CEP128: variants seen among roughly 807,000 people sequenced by gnomAD.
CEP128 encodes centrosomal protein 128, also known as centrosomal protein 128kDa.
In CEP128, 132 loss-of-function variants were observed where a neutral mutation model predicts 156.7. That is an observed-to-expected ratio of 0.84 (90% CI 0.73 to 0.97). The LOEUF (loss-of-function observed/expected upper bound fraction) is 0.97. Ranked by LOEUF, CEP128 falls within the 50% of genes least tolerant of loss-of-function variation. The probability of loss-of-function intolerance (pLI) is 0.00; values close to 1 mark genes in which losing one functional copy is unlikely to be tolerated. For synonymous variants in CEP128, 469 were observed against 448.9 expected (o/e 1.04, Z -0.57); for missense variants, 1,252 against 1,281.9 (o/e 0.98, Z 0.36).
At chr14:80,911,870 T>C (rs1181745148) in intron 4 of CEP128, among the ~76,000 whole-genome samples, 1 of 152,206 alleles carries the variant, frequency 6.6e-6, no homozygotes, top group African/African-American at 2.4e-5. Context: ...TCCCTAAACA[T>C]GTATTTACAA....
intron 12 of CEP128, among the ~76,000 whole-genome samples, chr14:80,832,051 A>G (rs1421994663): frequency 6.6e-6 from 1 of 152,182 alleles, no homozygotes; most frequent in Non-Finnish European, 1.5e-5. Context: ...ATGATAGTGA[A>G]TAAGTCCCAT....
intron 4 of CEP128, among the ~76,000 whole-genome samples, chr14:80,906,320 T>C (rs961279319): frequency 6.6e-6 from 1 of 152,226 alleles, no homozygotes; most frequent in Non-Finnish European, 1.5e-5. Context: ...CCATTTTTTA[T>C]TGCCAGATGT....
intron 24 of CEP128, among the ~76,000 whole-genome samples, chr14:80,498,491 G>A (rs184776076): frequency 1.3e-5 from 2 of 152,210 alleles, no homozygotes; most frequent in East Asian, 1.9e-4. Flanking sequence ...TCACTCACTC[G>A]CTCAGTAGCC....
intron 19 of CEP128, among the ~76,000 whole-genome samples, chr14:80,731,396 C>T (rs777694903): frequency 1.3e-5 from 2 of 152,142 alleles, no homozygotes; most frequent in African/African-American, 2.4e-5. Flanking sequence ...TTAAGAGTTA[C>T]ATAAGATAAT....
chr14:80,951,037 T>G lies in CEP128; in HGVS notation c.-172+7141A>C, dbSNP rs1886454566. Among the ~76,000 whole-genome samples, 3 of 152,106 alleles carry G rather than the reference T, an allele frequency of 2.0e-5. No homozygotes were observed. In the South Asian group the frequency reaches 6.2e-4, roughly 31 times the overall value. On this transcript the variant is annotated intron_variant, in intron 2 of 7. Transcript: ENST00000555529. ...AAAGTACTGAAAGTTAAAAATAATG[T>G]CAATCTATGATTCTATACCTAGTGA...
At chr14:80,675,064 C>G (rs973281186) in intron 19 of CEP128, among the ~76,000 whole-genome samples, 1 of 152,010 alleles carries the variant, frequency 6.6e-6, no homozygotes, top group Non-Finnish European at 1.5e-5. Flanking sequence ...GCACAATCAC[C>G]TCGTCCTTTT....
intron 23 of CEP128, among the ~76,000 whole-genome samples, chr14:80,506,016 C>A (rs1235839210): frequency 1.3e-5 from 2 of 152,150 alleles, no homozygotes; most frequent in Non-Finnish European, 2.9e-5. Context: ...CAGGTAATAA[C>A]AGGAAGAACC....
Position 80,761,499 on chromosome 14 carries a change from T to G in CEP128, c.2491A>C (p.Ile831Leu), listed in dbSNP as rs1017188483. 25 of 1,612,282 alleles carry G rather than the reference T, an allele frequency of 1.6e-5. No individual in the cohort carries two copies. In the African/African-American group the frequency reaches 3.3e-4, roughly 22 times the overall value. ...CAAGCTGCATCAATTTCCTTTCCTA[T>G]CACACCAAGAATGGATTCCTGTTCA... ...ETEQESILGV[I>L]GKEIDAACKT... is the part of the protein sequence containing the mutation. Residue 831 changes from isoleucine to leucine, a missense_variant, in exon 17 of 25, where the codon ATA (isoleucine) becomes CTA (leucine). Coordinates refer to ENST00000555265, the MANE Select transcript of CEP128 (RefSeq NM_152446.5).
chr14:80,560,620 G>A (rs541841352), intron 20 of CEP128, among the ~76,000 whole-genome samples: 81 of 152,160 alleles, frequency 5.3e-4, no homozygotes, highest in African/African-American at 2.0e-3. Flanking sequence ...TTTAGTCAGT[G>A]GGCTGAGGAA....
intron 13 of CEP128, among the ~76,000 whole-genome samples, chr14:80,799,799 CT>C (rs911348313): frequency 2.0e-5 from 3 of 152,132 alleles, no homozygotes; most frequent in Non-Finnish European, 4.4e-5. Flanking sequence ...CAGACTGGTT[CT>C]CTGCTCTCGA....
chr14:80,516,567 C>A (rs142719795), intron 23 of CEP128, among the ~76,000 whole-genome samples: 1 of 152,136 alleles, frequency 6.6e-6, no homozygotes, highest in African/African-American at 2.4e-5. Flanking sequence ...TATTGAGAAT[C>A]CCACAGTGCT....
At chr14:80,656,354 A>AAC (rs1479660329) in intron 19 of CEP128, among the ~76,000 whole-genome samples, 8 of 122,420 alleles carry the variant, frequency 6.5e-5, no homozygotes, top group African/African-American at 3.0e-5. Context: ...AATAAAAAAA[A>AAC]AACAACTAAT....
chr14:80,617,219 CTTTTTTTTTTT>C (rs3069115), intron 19 of CEP128, among the ~76,000 whole-genome samples: 28 of 60,224 alleles, frequency 4.6e-4, no homozygotes, highest in South Asian at 1.6e-3. Context: ...TGAATATCAT[CTTTTTTTTTTT>C]TTTTTTTTTT....
At chr14:80,888,821 G>A (rs1888936307) in intron 8 of CEP128, among the ~76,000 whole-genome samples, 1 of 152,138 alleles carries the variant, frequency 6.6e-6, no homozygotes, top group African/African-American at 2.4e-5. Context: ...ATTCAAATAG[G>A]AAGAGAGGAA....
At chr14:80,480,420 G>A (rs1466883602) in intron 14 of CEP128, among the ~76,000 whole-genome samples, 4 of 152,114 alleles carry the variant, frequency 2.6e-5, no homozygotes, top group African/African-American at 9.7e-5. Context: ...ACCCTCTGAA[G>A]CCATAGCCCA....
intron 14 of CEP128, among the ~76,000 whole-genome samples, chr14:80,483,964 A>C (rs12147045): frequency 0.89 from 135,208 of 152,066 alleles, 60,278 homozygotes; most frequent in Middle Eastern, 0.95. Flanking sequence ...TAAAACCCCT[A>C]ATCTTGATTC....
At chr14:80,508,697 C>T (rs1888101990) in intron 23 of CEP128, among the ~76,000 whole-genome samples, 1 of 152,204 alleles carries the variant, frequency 6.6e-6, no homozygotes, top group South Asian at 2.1e-4. Context: ...ATATCATTTT[C>T]ATTTCAGCTG....
Position 80,674,103 on chromosome 14 carries a change from AT to A in CEP128, c.2806+68971del, listed in dbSNP as rs576131451. ...TTTTTTCATTTGGGAAAATGCACAT[AT>A]TTTTGGTACAGAAAACTGGTAATCA... On this transcript the variant is annotated intron_variant, in intron 19 of 24. Transcript: ENST00000555265. Among the ~76,000 whole-genome samples the A allele has an allele frequency of 2.7e-3, 404 of 151,680 alleles. 2 individuals carry two copies. Among genetic ancestry groups the A allele is most frequent in the African/African-American group, 9.3e-3 (383 of 41,308 alleles).
chr14:80,518,387 A>G (rs1324098145), intron 23 of CEP128, among the ~76,000 whole-genome samples: 1 of 151,920 alleles, frequency 6.6e-6, no homozygotes, highest in African/African-American at 2.4e-5. Flanking sequence ...TATGACTCAG[A>G]ATATAGTCTA....
Sources: gnomAD v4.1 joint callset for allele counts (sites outside exome capture counted in the v4.1 genomes callset) on GRCh38, gnomAD v4.1.1 for gene constraint, MANE v1.5 for transcripts, NCBI Gene and HGNC (gene_info 2026-07-23, HGNC 2026-07-21) for gene names.